CADPS2: variants seen among roughly 807,000 people sequenced by gnomAD.
CADPS2 encodes the protein calcium-dependent secretion activator 2.
A neutral mutation model predicts 172.5 loss-of-function variants in CADPS2; 93 were observed. The ratio of observed to expected loss-of-function variants is 0.54; its 90% CI spans 0.46 to 0.64. The LOEUF (loss-of-function observed/expected upper bound fraction) is 0.64. Ranked by LOEUF, CADPS2 falls within the 30% of genes least tolerant of loss-of-function variation. The probability of loss-of-function intolerance (pLI) is 0.00; values close to 1 mark genes in which losing one functional copy is unlikely to be tolerated. For missense variants in CADPS2, 1,420 were observed against 1,565.9 expected (o/e 0.91, Z 1.57); for synonymous variants, 546 against 555.2 (o/e 0.98, Z 0.23).
At chr7:122,534,687 CA>C (rs2062072033) in intron 8 of CADPS2, among the ~76,000 whole-genome samples, 1 of 151,982 alleles carries the variant, frequency 6.6e-6, no homozygotes, top group Admixed American at 6.6e-5. Flanking sequence ...GGCAGATTAA[CA>C]GTAATGTACA....
At chr7:122,383,427 T>C (rs1239436706) in intron 24 of CADPS2, among the ~76,000 whole-genome samples, 1 of 152,050 alleles carries the variant, frequency 6.6e-6, no homozygotes, top group Non-Finnish European at 1.5e-5. Flanking sequence ...TGTACCCCCA[T>C]ATCGACAACA....
At chr7:122,754,985 G>A (rs2093100417) in intron 1 of CADPS2, among the ~76,000 whole-genome samples, 1 of 152,044 alleles carries the variant, frequency 6.6e-6, no homozygotes, top group African/African-American at 2.4e-5. Context: ...ATGGCTCATA[G>A]TCTCCTTTAG....
chr7:122,321,291 T>C (rs1319687586), intron 29 of CADPS2, among the ~76,000 whole-genome samples: 1 of 152,060 alleles, frequency 6.6e-6, no homozygotes, highest in Non-Finnish European at 1.5e-5. Context: ...CTTAGCCTCC[T>C]GAGGAGCTGG....
In CADPS2 at chr7:122,392,551, G is replaced by A. The variant is rs1585557698; in HGVS notation, c.3008+645C>T. ...AAGCCCATTCCTGTTCACTTCAGTG[G>A]TTCTTAGTTGCTGATTCTGCAATAG... On this transcript the variant is annotated intron_variant, in intron 22 of 29. Coordinates refer to ENST00000449022, the MANE Select transcript of CADPS2 (RefSeq NM_017954.11). 2.0e-5 allele frequency among the ~76,000 whole-genome samples: 3 copies of A among 152,212 alleles called. No homozygotes were observed. The East Asian group carries it at 5.8e-4, about 29-fold the overall frequency.
At chr7:122,652,367 G>A (rs2079246833) in intron 3 of CADPS2, among the ~76,000 whole-genome samples, 1 of 151,802 alleles carries the variant, frequency 6.6e-6, no homozygotes, top group Non-Finnish European at 1.5e-5. Context: ...ATTTGTTTTA[G>A]GAAAGGCAGT....
intron 1 of CADPS2, among the ~76,000 whole-genome samples, chr7:122,838,571 T>A (rs1194694596): frequency 1.3e-5 from 2 of 152,206 alleles, no homozygotes; most frequent in African/African-American, 4.8e-5. Context: ...ATAAGCAACT[T>A]CAGCAAAGTC....
chr7:122,813,140 T>G (rs2140199197), intron 1 of CADPS2, among the ~76,000 whole-genome samples: 1 of 152,208 alleles, frequency 6.6e-6, no homozygotes, highest in East Asian at 1.9e-4. Flanking sequence ...TTTTAAAAAG[T>G]TGGTGTTATT....
rs2043122234 is a variant in CADPS2, at chr7:122,382,352, A to C, written c.3313-2910T>G. On this transcript the variant is annotated intron_variant, in intron 24 of 29. Coordinates refer to ENST00000449022, the MANE Select transcript of CADPS2 (RefSeq NM_017954.11). The stretch of plus-strand genomic sequence containing the variant: ...TTTGTGTGTGCACGCATTTAAAATA[A>C]GGCAAGTCAAAAACTGCCAAAATAA... 4 of 152,182 alleles carry C rather than the reference A, an allele frequency of 2.6e-5. No homozygotes were observed. The South Asian group carries it at 8.3e-4, about 32-fold the overall frequency. 9.4% of individuals were successfully genotyped at this position (152,182 alleles called of 1,614,324 possible). A position where few individuals can be genotyped will look rare whatever the true frequency, so the allele number is the denominator to read the frequency against.
At chr7:122,637,208 T>TTTTTTTTTTTTTTTTTTTTTTTTTTTCTC (rs778963218) in intron 3 of CADPS2, among the ~76,000 whole-genome samples, 2 of 62,694 alleles carry the variant, frequency 3.2e-5, no homozygotes, top group Admixed American at 5.3e-4. Flanking sequence ...TTTTTTTTTT[T>TTTTTTTTTTTTTTTTTTTTTTTTTTTCTC]CCTGAGACAG....
At chr7:122,554,810 T>C in intron 7 of CADPS2, 121 bp from the exon 8 acceptor site, 1 of 802,648 alleles carries the variant, frequency 1.2e-6, no homozygotes, top group Non-Finnish European at 1.8e-6. Context: ...ATGTATCCAA[T>C]AAACAATTTG....
At chr7:122,429,016 T>C (rs987073083) in intron 17 of CADPS2, among the ~76,000 whole-genome samples, 3 of 152,076 alleles carry the variant, frequency 2.0e-5, no homozygotes, top group East Asian at 3.9e-4. Context: ...AAAGTAAACA[T>C]GTCACTTTAA....
At chr7:122,580,457 A>AC (rs1460045454) in intron 7 of CADPS2, among the ~76,000 whole-genome samples, 1 of 151,688 alleles carries the variant, frequency 6.6e-6, no homozygotes, top group Non-Finnish European at 1.5e-5. Flanking sequence ...TGTCTCAAAA[A>AC]AAAAAAAAAA....
chr7:122,495,842 A>AG (rs1278408188), intron 9 of CADPS2, among the ~76,000 whole-genome samples: 5 of 152,070 alleles, frequency 3.3e-5, no homozygotes, highest in African/African-American at 1.2e-4. Context: ...TTTTTTGCCA[A>AG]CTTTGATGGG....
At chr7:122,624,413 T>G (rs145129994) in intron 4 of CADPS2, among the ~76,000 whole-genome samples, 2 of 152,186 alleles carry the variant, frequency 1.3e-5, no homozygotes, top group Non-Finnish European at 2.9e-5. Context: ...CTTTTTCTTA[T>G]GCGCTCTTAA....
intron 1 of CADPS2, among the ~76,000 whole-genome samples, chr7:122,780,300 C>T (rs1387498395): frequency 6.6e-6 from 1 of 152,018 alleles, no homozygotes. Context: ...GAGCAACATC[C>T]CCCTCTCTGC....
At chr7:122,574,664 T>C (rs954517747) in intron 7 of CADPS2, among the ~76,000 whole-genome samples, 2 of 150,318 alleles carry the variant, frequency 1.3e-5, no homozygotes, top group Non-Finnish European at 3.0e-5. Flanking sequence ...ATATTGGTGC[T>C]GTGGGGGAAA....
At chr7:122,321,954 C>T (rs987577207) in intron 29 of CADPS2, among the ~76,000 whole-genome samples, 6 of 152,296 alleles carry the variant, frequency 3.9e-5, no homozygotes, top group South Asian at 2.1e-4. Flanking sequence ...ATAATAAGCT[C>T]ATTCTAAGTC....
At chr7:122,676,320 G>A (rs904277044) in intron 2 of CADPS2, among the ~76,000 whole-genome samples, 5 of 152,168 alleles carry the variant, frequency 3.3e-5, no homozygotes, top group Admixed American at 3.3e-4. Flanking sequence ...CACCTTAAAT[G>A]TAAACACTAC....
chr7:122,724,209 A>G (rs142091007), intron 2 of CADPS2, among the ~76,000 whole-genome samples: 1,744 of 152,052 alleles, frequency 0.011, 108 homozygotes, highest in Admixed American at 0.11. Flanking sequence ...TAAAAATAAA[A>G]TAAAAATAAA....
Sources: allele counts gnomAD v4.1 joint callset (sites outside exome capture counted in the v4.1 genomes callset), GRCh38; gene constraint gnomAD v4.1.1; transcripts MANE v1.5; gene names NCBI Gene and HGNC (gene_info 2026-07-23, HGNC 2026-07-21).